FAM178B: variants seen among roughly 807,000 people sequenced by gnomAD.
FAM178B encodes family with sequence similarity 178 member B.
A neutral mutation model predicts 91.7 loss-of-function variants in FAM178B; 82 were observed. That is an observed-to-expected ratio of 0.89 (90% CI 0.75 to 1.07). The LOEUF (loss-of-function observed/expected upper bound fraction) is 1.07, where lower values mean the gene tolerates loss of function less well. Ranked by LOEUF, FAM178B falls within the 50% of genes least tolerant of loss-of-function variation. FAM178B has a pLI of 0.00. For missense variants in FAM178B, 769 were observed against 846.7 expected (o/e 0.91, Z 1.14); for synonymous variants, 368 against 359.4 (o/e 1.02, Z -0.27).
At position 96,951,433 on chromosome 2, in the gene FAM178B, G is replaced by A. The variant is rs1201802114; in HGVS notation, c.939C>T (p.Ile313=). The A allele has an allele frequency of 1.3e-6, 2 of 1,551,688 alleles. No homozygotes were observed. The highest frequency in any genetic ancestry group is 1.7e-6 in the Non-Finnish European group (2 of 1,146,964). Residue 313 remains isoleucine (I), a synonymous_variant, in exon 7 of 17, where the codon ATC becomes ATT. Coordinates refer to ENST00000490605, the MANE Select transcript of FAM178B (RefSeq NM_001122646.3). ...LSFLRSGLLN[I]LYLHMPDCPV... ...GGCAGTCAGGCATGTGCAGGTAGAG[G>A]ATGTTCAGGAGGCCACTGCGCAGGA...
intron 12 of FAM178B, among the ~76,000 whole-genome samples, chr2:96,915,408 G>A (rs1340545171): frequency 3.3e-5 from 5 of 151,006 alleles, no homozygotes; most frequent in African/African-American, 9.7e-5. Flanking sequence ...GTGAGCCACC[G>A]CACCCAGCCA....
chr2:96,913,889 G>A (rs1161616061), intron 12 of FAM178B, among the ~76,000 whole-genome samples: 2 of 152,212 alleles, frequency 1.3e-5, no homozygotes, highest in Admixed American at 1.3e-4. Flanking sequence ...GAACAAAGGA[G>A]TGCCTGACTC....
At chr2:96,921,849 T>C (rs1195886912) in intron 10 of FAM178B, among the ~76,000 whole-genome samples, 195 bp from the exon 11 acceptor site, 1 of 152,054 alleles carries the variant, frequency 6.6e-6, no homozygotes, top group Non-Finnish European at 1.5e-5. Flanking sequence ...GAGAGTGTGC[T>C]TGTCAGAGGC....
chr2:96,951,553 G>C, intron 6 of FAM178B, 69 bp from the exon 7 acceptor site: 1 of 1,203,094 alleles, frequency 8.3e-7, no homozygotes, highest in East Asian at 2.5e-5. Flanking sequence ...GACACCGCGG[G>C]AGGCTGTCAC....
At chr2:96,919,778 G>A (rs1464377435) in intron 12 of FAM178B, among the ~76,000 whole-genome samples, 1 of 152,208 alleles carries the variant, frequency 6.6e-6, no homozygotes, top group Non-Finnish European at 1.5e-5. Context: ...CTTTCAGAGA[G>A]AGGATGAAAC....
Position 96,926,017 on chromosome 2 carries a change from TGGCTGGCGG to T in FAM178B, c.1194-2443_1194-2435del, listed in dbSNP as rs571294491. On this transcript the variant is annotated intron_variant, in intron 9 of 16. Transcript: ENST00000490605. ...CCAGGCTGCTCCTTTGAAAACCAAGTGGCTGGCGGGGCATGGTGGCTCATGCCTGTAATT... is the reference window on the plus strand; with the variant it reads ...CCAGGCTGCTCCTTTGAAAACCAAGTGGCATGGTGGCTCATGCCTGTAATT... Among the ~76,000 whole-genome samples, 534 of 152,276 alleles carry T rather than the reference TGGCTGGCGG, an allele frequency of 3.5e-3. 1 individual carries two copies. Among genetic ancestry groups the T allele is most frequent in the African/African-American group, 0.012 (491 of 41,564 alleles).
At chr2:96,879,095 T>C (rs1574172188) in intron 14 of FAM178B, among the ~76,000 whole-genome samples, 2 of 152,332 alleles carry the variant, frequency 1.3e-5, no homozygotes, top group East Asian at 3.9e-4. Flanking sequence ...CCTGGACTCT[T>C]GGTACCCATT....
At position 96,947,920 on chromosome 2, in the gene FAM178B, ACAAAAAC is replaced by A; in HGVS notation, c.994-25_994-19del. ...GTCAGCAGCTAGGTGGAAAAAAAAAACAAAAACAAAAACCTGGTGAGCTGGGTCATTC... is the reference window on the plus strand; with the variant it reads ...GTCAGCAGCTAGGTGGAAAAAAAAAAAAAAACCTGGTGAGCTGGGTCATTC... On this transcript the variant is annotated intron_variant, in intron 7 of 16. Coordinates refer to ENST00000490605, the MANE Select transcript of FAM178B (RefSeq NM_001122646.3). The A allele has an allele frequency of 7.2e-7, 1 of 1,381,872 alleles. No homozygotes were observed. Among genetic ancestry groups the A allele is most frequent in the African/African-American group, 1.5e-5 (1 of 66,396 alleles). The allele number at this position is 1,381,872 out of a possible 1,614,324, so 85.6% of individuals were successfully genotyped here.
At position 96,974,206 on chromosome 2, in the gene FAM178B, C is replaced by T. The variant is rs2082259716; in HGVS notation, c.74-1600G>A. Among the ~76,000 whole-genome samples, 3 of 151,012 alleles carry T rather than the reference C, an allele frequency of 2.0e-5. No individual in the cohort carries two copies. In the South Asian group the frequency reaches 6.3e-4, roughly 32 times the overall value. On this transcript the variant is annotated intron_variant, in intron 1 of 16. Transcript: ENST00000490605. ...GACCATCCTGGCTAACACAGTGAAA[C>T]CCCATCTCCACTAAAAATACAAAAA... is the stretch of plus-strand genomic sequence containing the variant.
At chr2:96,888,886 C>A (rs2080594704) in intron 14 of FAM178B, among the ~76,000 whole-genome samples, 1 of 152,080 alleles carries the variant, frequency 6.6e-6, no homozygotes, top group Non-Finnish European at 1.5e-5. Context: ...TGGAGCACAC[C>A]CCCCCTCCCC....
intron 6 of FAM178B, among the ~76,000 whole-genome samples, chr2:96,952,537 C>A (rs1295040597): frequency 9.2e-5 from 14 of 152,112 alleles, no homozygotes; most frequent in Admixed American, 3.3e-4. Flanking sequence ...GACCACTGAC[C>A]CGGTAGATCA....
Position 96,878,017 on chromosome 2 carries a change from T to C in FAM178B, c.1880A>G (p.Gln627Arg), listed in dbSNP as rs1404563645. ...CTGCGTGCTGATGTGGCGGTCCAAC[T>C]GCATGCACAGCAGCTGCAGCTCGCC... The part of the protein sequence containing the change: ...QWGELQLLCM[Q>R]LDRHISTQIR... Residue 627 changes from glutamine (Q) to arginine (R), a missense_variant, in exon 16 of 17, where the codon CAG (glutamine) becomes CGG (arginine). By Grantham distance (43) the Gln-to-Arg change is conservative (BLOSUM62 1). Transcript: ENST00000490605. 1 of 1,611,634 alleles carries C rather than the reference T, an allele frequency of 6.2e-7. No homozygotes were observed. Among genetic ancestry groups the C allele is most frequent in the East Asian group, 2.2e-5 (1 of 44,868 alleles).
intron 9 of FAM178B, among the ~76,000 whole-genome samples, chr2:96,928,685 A>G (rs1574263482): frequency 6.6e-6 from 1 of 152,308 alleles, no homozygotes; most frequent in East Asian, 1.9e-4. Flanking sequence ...TGAGTCAGGA[A>G]GTGCCAAAAA....
chr2:96,934,424 TG>T (rs1363467512), intron 8 of FAM178B, among the ~76,000 whole-genome samples: 1 of 152,074 alleles, frequency 6.6e-6, no homozygotes, highest in South Asian at 2.1e-4. Flanking sequence ...TCAGCTGGCC[TG>T]GAAGACTGGG....
chr2:96,952,177 G>A (rs974851859), intron 6 of FAM178B, among the ~76,000 whole-genome samples: 3 of 152,160 alleles, frequency 2.0e-5, no homozygotes, highest in East Asian at 1.9e-4. Flanking sequence ...GGGCGGGCAC[G>A]ATTACCCCCA....
At chr2:96,919,458 T>C (rs559432762) in intron 12 of FAM178B, among the ~76,000 whole-genome samples, 5 of 152,094 alleles carry the variant, frequency 3.3e-5, no homozygotes, top group Admixed American at 3.3e-4. Context: ...GCCGGTGAGA[T>C]GAAAGGAGGT....
intron 9 of FAM178B, among the ~76,000 whole-genome samples, chr2:96,926,452 T>C (rs776996657): frequency 6.6e-6 from 1 of 152,204 alleles, no homozygotes; most frequent in Non-Finnish European, 1.5e-5. Context: ...TGGAGGACCA[T>C]GCACAGCTAC....
intron 8 of FAM178B, among the ~76,000 whole-genome samples, chr2:96,930,210 CAAAAAAAAAAAAAAAAAA>C (rs60102987): frequency 3.8e-4 from 15 of 39,488 alleles, no homozygotes; most frequent in African/African-American, 5.4e-4. Flanking sequence ...TCCGTCTCTC[CAAAAAAAAAAAAAAAAAA>C]AAAAAAAAAA....
intron 14 of FAM178B, among the ~76,000 whole-genome samples, chr2:96,879,415 C>T (rs1309536259): frequency 2.0e-5 from 3 of 152,324 alleles, no homozygotes; most frequent in Middle Eastern, 6.8e-3. Context: ...CTTCCCCTGC[C>T]CTCATCACCC....
Sources: gnomAD v4.1 joint callset for allele counts (sites outside exome capture counted in the v4.1 genomes callset) on GRCh38, gnomAD v4.1.1 for gene constraint, MANE v1.5 for transcripts, NCBI Gene and HGNC (gene_info 2026-07-23, HGNC 2026-07-21) for gene names.